DOP1A: variants seen among roughly 807,000 people sequenced by gnomAD.
DOP1A encodes DOP1 leucine zipper like protein A.
In DOP1A, 90 loss-of-function variants were observed where a neutral mutation model predicts 267.6. The observed-to-expected ratio is 0.34, with a 90% confidence interval of 0.28 to 0.40. The LOEUF is 0.40. DOP1A is among the 10% of genes least tolerant of loss of function. The pLI, the probability that DOP1A is intolerant of heterozygous loss-of-function variation, is 1.00. For synonymous variants in DOP1A, 932 were observed against 999.1 expected (o/e 0.93, Z 1.27); for missense variants, 2,437 against 2,900.4 (o/e 0.84, Z 3.67).
intron 1 of DOP1A, among the ~76,000 whole-genome samples, chr6:83,070,375 C>T (rs1255194663): frequency 6.6e-6 from 1 of 152,108 alleles, no homozygotes; most frequent in African/African-American, 2.4e-5. Context: ...TCCTCCTCTC[C>T]AAGCTATCCA....
chr6:83,150,135 G>A (rs528033044), intron 27 of DOP1A, among the ~76,000 whole-genome samples: 1 of 152,316 alleles, frequency 6.6e-6, no homozygotes, highest in South Asian at 2.1e-4. Flanking sequence ...AGCACTTTGG[G>A]ATGCTGAAGC....
rs146052849 is a variant in DOP1A, at chr6:83,128,124, C to T, written c.1720-763C>T. Among the ~76,000 whole-genome samples, 573 of 152,268 alleles carry T rather than the reference C, an allele frequency of 3.8e-3. 5 individuals carry two copies. The highest frequency in any genetic ancestry group is 0.013 in the African/African-American group (539 of 41,554). ...GAGGCAAGGAACATTGCGTGAAGCC[C>T]AGCTTTGGGCAACAGGGCTTTAGTT... On this transcript the variant is annotated intron_variant, in intron 15 of 38. Transcript: ENST00000349129.
chr6:83,145,507 A>G lies in DOP1A; in HGVS notation c.5542-17A>G, dbSNP rs2128298800. The stretch of plus-strand genomic sequence containing the variant: ...CTTATATACATACATACATACATAC[A>G]ATGATTTATTACCTAGGTCATTCCT... On this transcript the variant is annotated splice_polypyrimidine_tract_variant and intron_variant, in intron 24 of 38. Transcript: ENST00000349129. 2 of 1,567,258 alleles carry G rather than the reference A, an allele frequency of 1.3e-6. No individual in the cohort carries two copies. Among genetic ancestry groups the G allele is most frequent in the East Asian group, 2.4e-5 (1 of 41,518 alleles).
chr6:83,102,293 G>A (rs1302080742), intron 4 of DOP1A, among the ~76,000 whole-genome samples: 3 of 152,188 alleles, frequency 2.0e-5, no homozygotes, highest in African/African-American at 4.8e-5. Context: ...CACCTCCGGT[G>A]TACACAGTCT....
intron 24 of DOP1A, among the ~76,000 whole-genome samples, chr6:83,142,443 GGT>G (rs1779810218): frequency 6.6e-6 from 1 of 152,112 alleles, no homozygotes; most frequent in South Asian, 2.1e-4. Context: ...GGGAGGCGGA[GGT>G]TGTGGTGAGC....
At chr6:83,164,959 A>G (rs1282349713) in intron 38 of DOP1A, 3 of 426,532 alleles carry the variant, frequency 7.0e-6, no homozygotes, top group Non-Finnish European at 1.2e-5. Flanking sequence ...AATCAAGTGT[A>G]TTCTTCTTGG....
chr6:83,123,015 A>G, intron 12 of DOP1A, 33 bp downstream of exon 12: 1 of 1,571,408 alleles, frequency 6.4e-7, no homozygotes, highest in Non-Finnish European at 8.6e-7. Context: ...TTAATTTCGT[A>G]ACATCTAAAG....
intron 28 of DOP1A, 80 bp from the exon 29 acceptor site, chr6:83,151,803 A>T: frequency 6.8e-7 from 1 of 1,469,774 alleles, no homozygotes; most frequent in South Asian, 1.3e-5. Flanking sequence ...AATATCTATT[A>T]TCAGAAATAT....
chr6:83,073,935 A>G (rs565145908), intron 1 of DOP1A, among the ~76,000 whole-genome samples: 2 of 152,314 alleles, frequency 1.3e-5, no homozygotes, highest in African/African-American at 4.8e-5. Flanking sequence ...AGTGTCTGTT[A>G]TGGCCTTTTA....
At chr6:83,150,601 A>G (rs1402496276) in intron 27 of DOP1A, among the ~76,000 whole-genome samples, 2 of 152,216 alleles carry the variant, frequency 1.3e-5, no homozygotes, top group Non-Finnish European at 2.9e-5. Context: ...AGATATTGAT[A>G]TGAAGGTTGC....
chr6:83,132,415 A>T, intron 18 of DOP1A, 87 bp downstream of exon 18: 3 of 1,364,228 alleles, frequency 2.2e-6, no homozygotes, highest in Non-Finnish European at 2.9e-6. Context: ...ACTTTAGGGA[A>T]ATTATTGCAA....
chr6:83,170,599 C>A, downstream of DOP1A: 1 of 781,030 alleles, frequency 1.3e-6, no homozygotes. Flanking sequence ...AAACTTCTTT[C>A]TCCAAGGTCA....
At chr6:83,120,317 C>A (rs1434879093) in intron 9 of DOP1A, among the ~76,000 whole-genome samples, 1 of 151,844 alleles carries the variant, frequency 6.6e-6, no homozygotes, top group Non-Finnish European at 1.5e-5. Flanking sequence ...TGTTAAGTCA[C>A]TAACGGGAAA....
chr6:83,153,753 T>A (rs905444073), intron 31 of DOP1A, 133 bp downstream of exon 31: 15 of 1,173,058 alleles, frequency 1.3e-5, no homozygotes, highest in East Asian at 8.1e-5. Context: ...TTTAAAAAAA[T>A]TCATATATTA....
intron 38 of DOP1A, among the ~76,000 whole-genome samples, chr6:83,163,778 C>G (rs1157973745): frequency 6.6e-6 from 1 of 152,014 alleles, no homozygotes; most frequent in Non-Finnish European, 1.5e-5. Context: ...CAGAGTTAAA[C>G]TGGCTTTATG....
In DOP1A at chr6:83,158,589, A is replaced by T; in HGVS notation, c.6764A>T (p.Glu2255Val). ...CAGGTACAAGTATTTTTACTGATGG[A>T]GCAGGAACTCACTGCTGATGAAGAT... ...TELVQVFLLM[E>V]QELTADEDIS... The change falls in exon 36 of 39, where the codon GAG (glutamate) becomes GTG (valine). Residue 2255 changes from glutamate to valine, a missense_variant. By Grantham distance (121) the Glu-to-Val change is moderately radical. Around this residue, in one of 9 missense-constraint regions of DOP1A, gnomAD observed 75 missense variants for 149.6 expected, o/e 0.50. Transcript: ENST00000349129. 6.2e-7 allele frequency: 1 copy of T among 1,608,558 alleles called. No homozygotes were observed. Among genetic ancestry groups the T allele is most frequent in the Non-Finnish European group, 8.5e-7 (1 of 1,176,806 alleles).
chr6:83,165,089 C>A, intron 38 of DOP1A: 1 of 169,446 alleles, frequency 5.9e-6, no homozygotes, highest in Non-Finnish European at 1.3e-5. Flanking sequence ...CAAGGATATT[C>A]ATTTTCCTTC....
At chr6:83,151,493 C>A in intron 27 of DOP1A, 100 bp from the exon 28 acceptor site, 1 of 794,506 alleles carries the variant, frequency 1.3e-6, no homozygotes, top group South Asian at 2.2e-5. Context: ...AAATGGAAAT[C>A]AAGACCATTA....
chr6:83,167,991 A>C lies in DOP1A; in HGVS notation c.7222A>C (p.Asn2408His). ...PFFNVLSQVF[N>H]SKVTSRCGGH... ...CTTCAATGTGCTCAGTCAAGTCTTC[A>C]ACAGCAAAGTCACAAGCCGATGTGG... The change falls in exon 39 of 39, where the codon AAC becomes CAC. Residue 2408 changes from asparagine to histidine, a missense_variant. Transcript: ENST00000349129. 6.2e-7 allele frequency: 1 copy of C among 1,614,172 alleles called. No homozygotes were observed. Among genetic ancestry groups the C allele is most frequent in the Non-Finnish European group, 8.5e-7 (1 of 1,180,018 alleles).
Sources: allele counts gnomAD v4.1 joint callset (sites outside exome capture counted in the v4.1 genomes callset), GRCh38; gene constraint gnomAD v4.1.1; regional missense constraint gnomAD v4.1.1; transcripts MANE v1.5; gene names NCBI Gene and HGNC (gene_info 2026-07-23, HGNC 2026-07-21).